NLRP5: variants seen among roughly 807,000 people sequenced by gnomAD.
The protein encoded by NLRP5 is NACHT, LRR and PYD domains-containing protein 5.
A neutral mutation model predicts 113.1 loss-of-function variants in NLRP5; 93 were observed. The observed-to-expected ratio is 0.82, with a 90% CI of 0.70 to 0.98. The LOEUF is 0.98. Ranked by LOEUF, NLRP5 falls within the 50% of genes least tolerant of loss-of-function variation. The pLI, the probability that NLRP5 is intolerant of heterozygous loss-of-function variation, is 0.00. For synonymous variants in NLRP5, 751 were observed against 600.7 expected, an observed-to-expected ratio of 1.25 and a Z score of -3.66; for missense variants, 1,808 against 1,514.3, an observed-to-expected ratio of 1.19 and a Z score of -3.22.
chr19:56,034,263 G>A (rs569395217), intron 9 of NLRP5, among the ~76,000 whole-genome samples: 9 of 152,312 alleles, frequency 5.9e-5, no homozygotes, highest in East Asian at 1.9e-4. Flanking sequence ...GCAGCCACCT[G>A]TAATCCCAGC....
intron 11 of NLRP5, 51 bp downstream of exon 11, chr19:56,041,143 A>T: frequency 6.3e-7 from 1 of 1,577,876 alleles, no homozygotes; most frequent in Non-Finnish European, 8.7e-7. Flanking sequence ...CTAACATAGC[A>T]TGGTGTAGCT....
At chr19:55,991,111 T>C in the NLRP5 span, among the ~76,000 whole-genome samples, 1 of 151,854 alleles carries the variant, frequency 6.6e-6, no homozygotes, top group Non-Finnish European at 1.5e-5. Context: ...CTTTAAAGAT[T>C]TGTTTGTTTT....
At chr19:56,021,614 T>G (rs188140178) in intron 6 of NLRP5, among the ~76,000 whole-genome samples, 1 of 152,370 alleles carries the variant, frequency 6.6e-6, no homozygotes, top group African/African-American at 2.4e-5. Context: ...TCACTTGGCA[T>G]AAAGTTCCAA....
the NLRP5 span, among the ~76,000 whole-genome samples, chr19:55,987,065 C>T: frequency 6.6e-6 from 1 of 152,194 alleles, no homozygotes; most frequent in African/African-American, 2.4e-5. Flanking sequence ...TTCAGACATT[C>T]GGTCTAAAAT....
At chr19:56,055,225 C>G (rs1984087974) in intron 13 of NLRP5, among the ~76,000 whole-genome samples, 1 of 151,940 alleles carries the variant, frequency 6.6e-6, no homozygotes, top group African/African-American at 2.4e-5. Flanking sequence ...CTTCTGACCT[C>G]AAGTGATCCG....
At chr19:55,998,680 A>G (rs74182585), upstream of NLRP5, among the ~76,000 whole-genome samples, 6,621 of 72,100 alleles carry the variant, frequency 0.092, 686 homozygotes, top group African/African-American at 0.2. Flanking sequence ...GTGTATATAT[A>G]TATATATATA....
rs115695538 is a variant in NLRP5 at position 56,053,947 on chromosome 19, C to T, written c.3299+139C>T. The T allele has an allele frequency of 2.9e-3, 2,030 of 699,244 alleles. 26 individuals are homozygous for T. In the African/African-American group the frequency reaches 0.032, roughly 11 times the overall value. 43.3% of individuals were successfully genotyped at this position (699,244 alleles called of 1,614,324 possible). A position where few individuals can be genotyped will look rare whatever the true frequency, so the allele number is the denominator to read the frequency against. On this transcript the variant is annotated intron_variant, in intron 13 of 14. Coordinates refer to ENST00000390649, the MANE Select transcript of NLRP5 (RefSeq NM_153447.4). ...TAGATGGAGTGCAACCTTCGCAGCA[C>T]CACAGATCTGGGTATAAGTTCCAGC... is the stretch of plus-strand genomic sequence containing the variant.
intron 11 of NLRP5, among the ~76,000 whole-genome samples, chr19:56,045,970 TCA>T (rs1983708130): frequency 6.6e-6 from 1 of 152,172 alleles, no homozygotes; most frequent in Non-Finnish European, 1.5e-5. Context: ...TACATGTGGG[TCA>T]CAGAGGTCAC....
chr19:56,034,066 A>C (rs1018973187), intron 9 of NLRP5, among the ~76,000 whole-genome samples: 4 of 152,172 alleles, frequency 2.6e-5, no homozygotes, highest in African/African-American at 7.2e-5. Flanking sequence ...CACCATACCC[A>C]GCGAGATTTT....
rs1216993462 is a variant in NLRP5 at position 56,033,688 on chromosome 19, A to T, written c.2594A>T (p.Lys865Ile). ...GCGTGTGAAGCCTTAAAACACCCAAAATGTTTGTTGGAGTCTTTGAGGTAC... is the reference window on the plus strand; with the variant it reads ...GCGTGTGAAGCCTTAAAACACCCAATATGTTTGTTGGAGTCTTTGAGGTAC... The change falls in exon 9 of 15, where the codon AAA becomes ATA. Residue 865 changes from lysine to isoleucine, a missense_variant. Coordinates refer to ENST00000390649, the MANE Select transcript of NLRP5 (RefSeq NM_153447.4). The T allele has an allele frequency of 3.1e-6, 5 of 1,612,992 alleles. No homozygotes were observed. The highest frequency in any genetic ancestry group is 3.4e-6 in the Non-Finnish European group (4 of 1,179,606).
At chr19:56,053,076 A>G (rs1983990244) in intron 12 of NLRP5, among the ~76,000 whole-genome samples, 1 of 152,066 alleles carries the variant, frequency 6.6e-6, no homozygotes, top group Non-Finnish European at 1.5e-5. Context: ...CAGCCTGGGC[A>G]ACAGAGTGAG....
intron 4 of NLRP5, among the ~76,000 whole-genome samples, chr19:56,016,160 T>A (rs958444366): frequency 6.6e-6 from 1 of 152,054 alleles, no homozygotes; most frequent in African/African-American, 2.4e-5. Flanking sequence ...TTTTACTTAT[T>A]TATTTATTTT....
chr19:56,026,599 A>T (rs1982861390), intron 6 of NLRP5, among the ~76,000 whole-genome samples: 1 of 143,168 alleles, frequency 7.0e-6, no homozygotes, highest in Non-Finnish European at 1.5e-5. Flanking sequence ...TTTTATTTTG[A>T]GATAGAGTCT....
upstream of NLRP5, chr19:55,999,690 C>G (rs1414668824): frequency 6.6e-7 from 1 of 1,514,886 alleles, no homozygotes; most frequent in Non-Finnish European, 9.2e-7. Context: ...AGAGCCCAGC[C>G]TTCGATGTTC....
At chr19:56,054,295 C>T (rs552413535) in intron 13 of NLRP5, among the ~76,000 whole-genome samples, 44 of 152,268 alleles carry the variant, frequency 2.9e-4, no homozygotes, top group Middle Eastern at 3.4e-3. Flanking sequence ...CAGGGGCTCA[C>T]GCCTGTAACA....
intron 11 of NLRP5, among the ~76,000 whole-genome samples, chr19:56,049,605 C>G (rs1476344654): frequency 6.6e-6 from 1 of 152,126 alleles, no homozygotes; most frequent in Non-Finnish European, 1.5e-5. Context: ...GCCACCGTGC[C>G]CAGCCTGAAT....
intron 10 of NLRP5, among the ~76,000 whole-genome samples, chr19:56,040,719 C>A (rs1282785153): frequency 6.6e-6 from 1 of 152,180 alleles, no homozygotes; most frequent in Non-Finnish European, 1.5e-5. Context: ...TAATCACCCA[C>A]AATACTTAGA....
intron 6 of NLRP5, 63 bp downstream of exon 6, chr19:56,020,494 A>G (rs1365182939): frequency 7.9e-6 from 12 of 1,527,330 alleles, no homozygotes; most frequent in African/African-American, 1.4e-5. Context: ...AAAGAAGTGT[A>G]AGTAGTTTAG....
In NLRP5 at chr19:56,003,772, TC is replaced by T. The variant is rs749295588; in HGVS notation, c.124del (p.Gln42LysfsTer3). 2.5e-5 allele frequency: 40 copies of T among 1,613,546 alleles called. No homozygotes were observed. In the Admixed American group the frequency reaches 4.8e-4, roughly 20 times the overall value. ...TCTATATTACCAAAGAATCCACTTT[TC>T]CCCCAAAACCTGAGCTCTCAGCCTT... is the stretch of plus-strand genomic sequence containing the variant. On this transcript the variant is annotated frameshift_variant, in exon 2 of 15. Coordinates refer to ENST00000390649, the MANE Select transcript of NLRP5 (RefSeq NM_153447.4). LOFTEE classifies it high-confidence loss of function.
Sources: allele counts gnomAD v4.1 joint callset (sites outside exome capture counted in the v4.1 genomes callset), GRCh38; gene constraint gnomAD v4.1.1; transcripts MANE v1.5; gene names NCBI Gene and HGNC (gene_info 2026-07-23, HGNC 2026-07-21).